Variants in COL22A1 observed in about 807,000 individuals in gnomAD.
The protein encoded by COL22A1 is collagen type XXII alpha 1 chain.
In COL22A1, 221 loss-of-function variants were observed where a neutral mutation model predicts 248.9. That is an observed-to-expected ratio of 0.89 (90% CI 0.80 to 0.99). The LOEUF (loss-of-function observed/expected upper bound fraction) is 0.99, where lower values mean the gene tolerates loss of function less well. COL22A1 is among the 50% of genes least tolerant of loss of function. The pLI is 0.00. For missense variants in COL22A1, 2,240 were observed against 2,179.0 expected (o/e 1.03, Z -0.56); for synonymous variants, 891 against 793.4 (o/e 1.12, Z -2.07).
intron 5 of COL22A1, among the ~76,000 whole-genome samples, chr8:138,831,022 T>C (rs1820004932): frequency 1.3e-5 from 2 of 152,190 alleles, no homozygotes; most frequent in Non-Finnish European, 2.9e-5. Flanking sequence ...ACAGCGATTA[T>C]TGTCTTTGTT....
rs1475525316 is a variant in COL22A1 at position 138,724,685 on chromosome 8, T to C, written c.2194-17A>G. ...AGGCAAACCCTGAAAGGGGACCACA[T>C]GGACCCTGTTAGCCTGGCCTGTTCA... is the stretch of plus-strand genomic sequence containing the variant. On this transcript the variant is annotated splice_polypyrimidine_tract_variant and intron_variant, in intron 24 of 64. Coordinates refer to ENST00000303045, the MANE Select transcript of COL22A1 (RefSeq NM_152888.3). 5 of 1,612,634 alleles carry C rather than the reference T, an allele frequency of 3.1e-6. No individual in the cohort carries two copies. The highest frequency in any genetic ancestry group is 1.3e-5 in the African/African-American group (1 of 74,928).
In COL22A1 at chr8:138,871,168, C is replaced by T. The variant is rs555504039; in HGVS notation, c.658+6582G>A. Among the ~76,000 whole-genome samples the T allele has an allele frequency of 9.9e-5, 15 of 152,216 alleles. No individual in the cohort carries two copies. In the East Asian group the frequency reaches 2.9e-3, roughly 29 times the overall value. On this transcript the variant is annotated intron_variant, in intron 3 of 64. Transcript: ENST00000303045. The stretch of plus-strand genomic sequence containing the variant: ...GCCACCCAGACTTGCCAACAGCCAG[C>T]CTCCCTGCCGTCCCCTGGGACATGT...
intron 41 of COL22A1, among the ~76,000 whole-genome samples, chr8:138,665,065 C>A (rs1824375701): frequency 6.6e-6 from 1 of 152,108 alleles, no homozygotes; most frequent in South Asian, 2.1e-4. Context: ...CAGGGGTAAC[C>A]TAAAAGCCTA....
At position 138,747,671 on chromosome 8, in the gene COL22A1, G is replaced by T. The variant is rs574005600; in HGVS notation, c.2085+3787C>A. Reference sequence around the variant, plus strand: ...ACATGCTATTTCATGTCTTTCCCCCGGCCTGCCAGAATATAAACAGCATGA... The same window carrying T: ...ACATGCTATTTCATGTCTTTCCCCCTGCCTGCCAGAATATAAACAGCATGA... On this transcript the variant is annotated intron_variant, in intron 22 of 64. Coordinates refer to ENST00000303045, the MANE Select transcript of COL22A1 (RefSeq NM_152888.3). Among the ~76,000 whole-genome samples, 83 of 152,148 alleles carry T rather than the reference G, an allele frequency of 5.5e-4. 1 individual carries two copies. Among genetic ancestry groups the T allele is most frequent in the African/African-American group, 1.9e-3 (78 of 41,494 alleles).
At chr8:138,654,163 G>T (rs781036922) in intron 45 of COL22A1, among the ~76,000 whole-genome samples, 8 of 152,176 alleles carry the variant, frequency 5.3e-5, no homozygotes, top group Non-Finnish European at 1.0e-4. Context: ...AATCCTCTGG[G>T]TGAGGGGTCA....
chr8:138,751,485 A>G lies in COL22A1; in HGVS notation c.2058T>C (p.Asp686=), dbSNP rs1586650486. 1.2e-6 allele frequency: 2 copies of G among 1,612,898 alleles called. No individual in the cohort carries two copies. The highest frequency in any genetic ancestry group is 8.5e-7 in the Non-Finnish European group (1 of 1,179,388). ...GGAGACCTTGCAAACCAGGAGGTCC[A>G]TCCCTGCCTTCTGGGCCTATTGGAC... ...ARGPIGPEGR[D]GPPGLQGLRG... The change falls in exon 22 of 65, where the codon GAT becomes GAC. Residue 686 remains aspartate, a synonymous_variant. Transcript: ENST00000303045.
intron 42 of COL22A1, among the ~76,000 whole-genome samples, chr8:138,662,942 G>A (rs1366032176): frequency 6.6e-6 from 1 of 150,902 alleles, no homozygotes; most frequent in East Asian, 2.0e-4. Context: ...CTTGAACCCA[G>A]GAGGCGGAGA....
intron 22 of COL22A1, among the ~76,000 whole-genome samples, chr8:138,750,502 G>A (rs1315543485): frequency 2.0e-5 from 3 of 152,100 alleles, no homozygotes; most frequent in Admixed American, 1.3e-4. Flanking sequence ...CCCCTTAGAC[G>A]AAGTCAATCC....
At chr8:138,614,045 G>A in intron 55 of COL22A1, 125 bp from the exon 56 acceptor site, 1 of 758,592 alleles carries the variant, frequency 1.3e-6, no homozygotes, top group Middle Eastern at 3.4e-4. Flanking sequence ...TGTCCAGCAT[G>A]TTTCATCATT....
chr8:138,663,040 C>T (rs1223976126), intron 42 of COL22A1, among the ~76,000 whole-genome samples: 1 of 44,306 alleles, frequency 2.3e-5, no homozygotes, highest in East Asian at 8.4e-4. Flanking sequence ...ACACACAAAG[C>T]AATCCCTGTC....
At chr8:138,889,159 G>A (rs922031763) in intron 1 of COL22A1, among the ~76,000 whole-genome samples, 36 of 152,102 alleles carry the variant, frequency 2.4e-4, no homozygotes, top group Non-Finnish European at 1.2e-4. Context: ...CTCTCCCCAC[G>A]TCACTCAGTT....
intron 1 of COL22A1, among the ~76,000 whole-genome samples, chr8:138,911,720 A>C (rs1247761922): frequency 1.3e-5 from 2 of 152,228 alleles, no homozygotes; most frequent in Non-Finnish European, 1.5e-5. Flanking sequence ...TGTGGACTGC[A>C]TCCGTTTAGG....
At chr8:138,729,130 T>G (rs1336704486) in intron 23 of COL22A1, among the ~76,000 whole-genome samples, 1 of 152,140 alleles carries the variant, frequency 6.6e-6, no homozygotes. Context: ...GGCTTTTTCA[T>G]TAAATTTACA....
intron 44 of COL22A1, 130 bp from the exon 45 acceptor site, chr8:138,656,074 G>A (rs968912474): frequency 2.9e-5 from 21 of 732,082 alleles, no homozygotes; most frequent in Middle Eastern, 2.4e-4. Context: ...CGTGGGATAC[G>A]GACAGCCCAG....
At chr8:138,736,123 T>C (rs1266591865) in intron 23 of COL22A1, among the ~76,000 whole-genome samples, 2 of 152,080 alleles carry the variant, frequency 1.3e-5, no homozygotes, top group East Asian at 1.9e-4. Flanking sequence ...TCACCTCTCA[T>C]AGTCACTGCT....
intron 3 of COL22A1, among the ~76,000 whole-genome samples, chr8:138,847,089 G>C (rs1450627628): frequency 6.6e-6 from 1 of 152,188 alleles, no homozygotes; most frequent in Non-Finnish European, 1.5e-5. Context: ...CAGTGTCCAA[G>C]AGCTGAGGGC....
At chr8:138,751,866 A>G (rs1403715913) in intron 21 of COL22A1, among the ~76,000 whole-genome samples, 1 of 152,260 alleles carries the variant, frequency 6.6e-6, no homozygotes, top group Non-Finnish European at 1.5e-5. Flanking sequence ...CTTTCCCTGC[A>G]GCCTGCTGGC....
At chr8:138,707,360 C>T (rs915439440) in intron 30 of COL22A1, among the ~76,000 whole-genome samples, 1 of 152,150 alleles carries the variant, frequency 6.6e-6, no homozygotes, top group Admixed American at 6.5e-5. Context: ...ACCAATATCC[C>T]TGATGAACAT....
chr8:138,712,220 A>G (rs1427185198), intron 30 of COL22A1, among the ~76,000 whole-genome samples: 1 of 152,226 alleles, frequency 6.6e-6, no homozygotes, highest in East Asian at 1.9e-4. Flanking sequence ...CACAGCAGAT[A>G]GAACCAGGAC....
Sources: allele counts gnomAD v4.1 joint callset (sites outside exome capture counted in the v4.1 genomes callset), GRCh38; gene constraint gnomAD v4.1.1; transcripts MANE v1.5; gene names NCBI Gene and HGNC (gene_info 2026-07-23, HGNC 2026-07-21).